Variants in CCNI observed in about 807,000 individuals in gnomAD.
CCNI encodes the protein cyclin I.
In CCNI, 14 loss-of-function variants were observed where a neutral mutation model predicts 34.1. That is an observed-to-expected ratio of 0.41 (90% CI 0.27 to 0.64). The LOEUF is 0.64. Among genes scored for constraint, CCNI ranks in the 30% least tolerant of loss-of-function variants. The probability of loss-of-function intolerance (pLI) is 0.31; values close to 1 mark genes in which losing one functional copy is unlikely to be tolerated. For synonymous variants in CCNI, 154 were observed against 158.4 expected, an observed-to-expected ratio of 0.97 and a Z score of 0.21; for missense variants, 385 against 440.5, an observed-to-expected ratio of 0.87 and a Z score of 1.13.
At position 77,075,587 on chromosome 4, in the gene CCNI, G is replaced by A. The variant is rs4252762; in HGVS notation, c.-159C>T. ...CTCATTCTCATAGGCGCGCGGAGGC[G>A]GTGCGCGCGGGACGACTCGGCCAAC... On this transcript the variant is annotated 5_prime_UTR_variant, in exon 1 of 7. Coordinates refer to ENST00000237654, the MANE Select transcript of CCNI (RefSeq NM_006835.3). 1,476 of 987,994 alleles carry A rather than the reference G, an allele frequency of 1.5e-3. 20 individuals carry two copies. In the African/African-American group the frequency reaches 0.024, roughly 16 times the overall value. 61.2% of individuals were successfully genotyped at this position (987,994 alleles called of 1,614,324 possible).
chr4:77,049,409 G>A (rs4252942), intron 6 of CCNI, among the ~76,000 whole-genome samples: 1 of 152,132 alleles, frequency 6.6e-6, no homozygotes, highest in Non-Finnish European at 1.5e-5. Flanking sequence ...CAGGCGTGGT[G>A]GCTCATGCCT....
At position 77,053,053 on chromosome 4, in the gene CCNI, T is replaced by C. The variant is rs76269563; in HGVS notation, c.690+2097A>G. On this transcript the variant is annotated intron_variant, in intron 6 of 6. Coordinates refer to ENST00000237654, the MANE Select transcript of CCNI (RefSeq NM_006835.3). ...ACGTCCAAAGACTACCTACATAATA[T>C]AATCTAAACCTACACTACATAGGTA... Among the ~76,000 whole-genome samples the C allele has an allele frequency of 7.8e-3, 1,188 of 152,284 alleles. 12 individuals carry two copies. Among genetic ancestry groups the C allele is most frequent in the African/African-American group, 0.027 (1,123 of 41,554 alleles).
rs990611406 is a variant in CCNI, at chr4:77,075,526, G to A, written c.-98C>T. Reference sequence around the variant, plus strand: ...CCCCGGCAGAGCTGTAGGCCTCACAGTGGTGACGCGGGGTCATCCGGGGGC... The same window carrying A: ...CCCCGGCAGAGCTGTAGGCCTCACAATGGTGACGCGGGGTCATCCGGGGGC... On this transcript the variant is annotated 5_prime_UTR_variant, in exon 1 of 7. Transcript: ENST00000237654. 3.2e-5 allele frequency: 32 copies of A among 988,422 alleles called. No homozygotes were observed. Among genetic ancestry groups the A allele is most frequent in the South Asian group, 9.3e-5 (2 of 21,468 alleles). 61.2% of individuals were successfully genotyped at this position (988,422 alleles called of 1,614,324 possible). A position where few individuals can be genotyped will look rare whatever the true frequency, so the allele number is the denominator to read the frequency against.
At chr4:77,074,507 C>G (rs1020937870) in intron 1 of CCNI, among the ~76,000 whole-genome samples, 1 of 152,204 alleles carries the variant, frequency 6.6e-6, no homozygotes, top group African/African-American at 2.4e-5. Flanking sequence ...AGACTTAATT[C>G]TGGCTACTGG....
In CCNI at chr4:77,054,320, A is replaced by C. The variant is rs182476555; in HGVS notation, c.690+830T>G. Among the ~76,000 whole-genome samples, 42 of 152,320 alleles carry C rather than the reference A, an allele frequency of 2.8e-4. No individual in the cohort carries two copies. The East Asian group carries it at 6.2e-3, about 22-fold the overall frequency. ...AAGCTTAGAATTTCACAATCTTCTA[A>C]GTAAAATCCAATAAAACAAATCAGA... On this transcript the variant is annotated intron_variant, in intron 6 of 6. Transcript: ENST00000237654.
rs1044685702 is a variant in CCNI, at chr4:77,058,524, A to C, written c.226T>G (p.Phe76Val). Residue 76 changes from phenylalanine (F) to valine (V), a missense_variant, in exon 3 of 7, where the codon TTT (phenylalanine) becomes GTT (valine). By Grantham distance (50) the Phe-to-Val change is conservative. Around this residue, in one of 2 missense-constraint regions of CCNI, gnomAD observed 135 missense variants for 191.8 expected, o/e 0.70. Transcript: ENST00000237654. ...ACACTTACCTTTACGGTAGCTAAAAACCTATCCAAAAGACTGCTAGCCAGA... is the reference window on the plus strand; with the variant it reads ...ACACTTACCTTTACGGTAGCTAAAACCCTATCCAAAAGACTGCTAGCCAGA... ...FALASSLLDR[F>V]LATVKAHPKY... 3.1e-6 allele frequency: 5 copies of C among 1,613,156 alleles called. No homozygotes were observed. The African/African-American group carries it at 6.7e-5, about 22-fold the overall frequency.
At chr4:77,066,181 T>C in intron 2 of CCNI, 68 bp downstream of exon 2, 2 of 1,253,438 alleles carry the variant, frequency 1.6e-6, no homozygotes, top group Non-Finnish European at 2.3e-6. Flanking sequence ...TGTCAAGATA[T>C]TATTATGTAT....
intron 1 of CCNI, among the ~76,000 whole-genome samples, chr4:77,066,960 A>G (rs1729075049): frequency 6.6e-6 from 1 of 152,192 alleles, no homozygotes. Context: ...TTGGCCAGGC[A>G]TGGTGGCTCA....
Position 77,048,011 on chromosome 4 carries a change from CTTT to C in CCNI, c.*205_*207del, listed in dbSNP as rs372298005. 1.4e-3 allele frequency: 437 copies of C among 315,310 alleles called. No individual in the cohort carries two copies. The highest frequency in any genetic ancestry group is 2.1e-3 in the East Asian group (44 of 20,906). 19.5% of individuals were successfully genotyped at this position (315,310 alleles called of 1,614,324 possible). On this transcript the variant is annotated 3_prime_UTR_variant, in exon 7 of 7. Transcript: ENST00000237654. ...AAAAAAGTTTGGATCTTTTGGATTT[CTTT>C]TTTTTTTTTTTGGTCTTTATGTGCT...
At chr4:77,060,778 T>C (rs1295875045) in intron 2 of CCNI, among the ~76,000 whole-genome samples, 1 of 152,018 alleles carries the variant, frequency 6.6e-6, no homozygotes, top group African/African-American at 2.4e-5. Flanking sequence ...GCTTGTGCCA[T>C]CACGCCTGGC....
In CCNI at chr4:77,048,413, T is replaced by C. The variant is rs1727589505; in HGVS notation, c.940A>G (p.Ser314Gly). 3.1e-6 allele frequency: 5 copies of C among 1,609,804 alleles called. No individual in the cohort carries two copies. Among genetic ancestry groups the C allele is most frequent in the Non-Finnish European group, 4.2e-6 (5 of 1,177,716 alleles). The change falls in exon 7 of 7, where the codon AGT (serine) becomes GGT (glycine). Residue 314 changes from serine to glycine, a missense_variant. Around this residue, in one of 2 missense-constraint regions of CCNI, gnomAD observed 250 missense variants for 248.7 expected, o/e 1.01. Transcript: ENST00000237654. ...TTAGTAGAGGTCTGCTTGCACCCAC[T>C]GGCAGCTGGGAGATGATGGTAAAAG... ...AAFYHHLPAA[S>G]GCKQTSTKRK...
rs1242159711 is a variant in CCNI, at chr4:77,075,453, C to T, written c.-44+19G>A. On this transcript the variant is annotated intron_variant, in intron 1 of 6. Coordinates refer to ENST00000237654, the MANE Select transcript of CCNI (RefSeq NM_006835.3). Reference sequence around the variant, plus strand: ...CCGCGGAGACGCGTCGAGCCCCCGCCCCCGCCCCCGCCCCTCACCTTCTCC... The same window carrying T: ...CCGCGGAGACGCGTCGAGCCCCCGCTCCCGCCCCCGCCCCTCACCTTCTCC... The T allele has an allele frequency of 5.3e-5, 32 of 600,346 alleles. No homozygotes were observed. The highest frequency in any genetic ancestry group is 6.5e-5 in the Non-Finnish European group (31 of 479,392). The allele number at this position is 600,346 out of a possible 1,614,324, so 37.2% of individuals were successfully genotyped here. A position where few individuals can be genotyped will look rare whatever the true frequency, so the allele number is the denominator to read the frequency against.
At chr4:77,052,696 C>T (rs1053971165) in intron 6 of CCNI, among the ~76,000 whole-genome samples, 1 of 152,140 alleles carries the variant, frequency 6.6e-6, no homozygotes, top group Non-Finnish European at 1.5e-5. Flanking sequence ...CAATCTGATG[C>T]AAGACTTTCC....
At chr4:77,056,201 G>A in intron 4 of CCNI, 48 bp downstream of exon 4, 1 of 1,592,810 alleles carries the variant, frequency 6.3e-7, no homozygotes, top group Non-Finnish European at 8.6e-7. Flanking sequence ...TAATAAATGT[G>A]GAGAGAAATT....
chr4:77,058,450 G>A (rs778998047), intron 3 of CCNI, 57 bp downstream of exon 3: 22 of 1,418,624 alleles, frequency 1.6e-5, no homozygotes, highest in East Asian at 2.3e-5. Flanking sequence ...ATAGCCTCTA[G>A]TTTAGCATAC....
intron 6 of CCNI, among the ~76,000 whole-genome samples, chr4:77,051,955 T>G (rs1023235986): frequency 5.8e-4 from 63 of 108,340 alleles, no homozygotes; most frequent in Admixed American, 7.6e-4. Context: ...TGTTTTTTTG[T>G]TTTTTTTTTT....
intron 1 of CCNI, among the ~76,000 whole-genome samples, chr4:77,074,100 T>A (rs1021031535): frequency 4.6e-5 from 7 of 152,234 alleles, no homozygotes. Context: ...TCATTTTTAA[T>A]GTATTACACA....
intron 1 of CCNI, 79 bp downstream of exon 1, chr4:77,075,393 G>T: frequency 4.0e-6 from 2 of 495,600 alleles, no homozygotes; most frequent in Non-Finnish European, 5.2e-6. Context: ...GGGCGGCGCG[G>T]GGGGAGCAGC....
At chr4:77,048,980 T>G (rs1727650908) in intron 6 of CCNI, among the ~76,000 whole-genome samples, 2 of 146,420 alleles carry the variant, frequency 1.4e-5, no homozygotes, top group African/African-American at 5.0e-5. Context: ...TTTTTTTTTT[T>G]TTTTTTTTCA....
Sources: gnomAD v4.1 joint callset for allele counts (sites outside exome capture counted in the v4.1 genomes callset) on GRCh38, gnomAD v4.1.1 for gene constraint, gnomAD v4.1.1 regional missense constraint, MANE v1.5 for transcripts, NCBI Gene and HGNC (gene_info 2026-07-23, HGNC 2026-07-21) for gene names.